RAB30: variants seen among roughly 807,000 people sequenced by gnomAD.
The protein encoded by RAB30 is ras-related protein Rab-30.
In RAB30, 9 loss-of-function variants were observed where a neutral mutation model predicts 25.1. The ratio of observed to expected loss-of-function variants is 0.36; its 90% confidence interval spans 0.22 to 0.63. RAB30 has a LOEUF of 0.63. RAB30 is among the 20% of genes least tolerant of loss of function. The probability of loss-of-function intolerance (pLI) is 0.69; values close to 1 mark genes in which losing one functional copy is unlikely to be tolerated. For synonymous variants in RAB30, 77 were observed against 86.4 expected (o/e 0.89, Z 0.60); for missense variants, 140 against 243.5 (o/e 0.58, Z 2.83).
At position 83,003,783 on chromosome 11, in the gene RAB30, TA is replaced by T. The variant is rs879774896; in HGVS notation, c.-8-6460del. ...ATATTTTATTACAAATTTGTTAATT[TA>T]AAAAAAAAACAGCATCATAGAATTA... On this transcript the variant is annotated intron_variant, in intron 1 of 4. Coordinates refer to ENST00000527633, the MANE Select transcript of RAB30 (RefSeq NM_001286060.2). Among the ~76,000 whole-genome samples the T allele has an allele frequency of 3.1e-3, 466 of 149,312 alleles. 2 individuals carry two copies. The highest frequency in any genetic ancestry group is 3.6e-3 in the African/African-American group (148 of 40,810).
rs544166005 is a variant in RAB30 at position 82,978,267 on chromosome 11, G to C, written c.*3898C>G. The C allele has an allele frequency of 2.6e-5, 4 of 152,180 alleles. No individual in the cohort carries two copies. Among genetic ancestry groups the C allele is most frequent in the Admixed American group, 2.6e-4 (4 of 15,296 alleles). The allele number at this position is 152,180 out of a possible 1,614,324, so 9.4% of individuals were successfully genotyped here. A position where few individuals can be genotyped will look rare whatever the true frequency, so the allele number is the denominator to read the frequency against. ...CAAACTCTAGAAGATCTCTCCCAGA[G>C]GCTAATAGAGCAATGATCCCTAAGT... On this transcript the variant is annotated 3_prime_UTR_variant, in exon 5 of 5. Coordinates refer to ENST00000527633, the MANE Select transcript of RAB30 (RefSeq NM_001286060.2).
chr11:83,033,580 C>T (rs965298817), intron 1 of RAB30, among the ~76,000 whole-genome samples: 3 of 152,124 alleles, frequency 2.0e-5, no homozygotes, highest in African/African-American at 7.2e-5. Flanking sequence ...AAGCTGAAAT[C>T]CAGGAAAGTA....
At chr11:83,051,320 T>G (rs1302966622) in intron 1 of RAB30, among the ~76,000 whole-genome samples, 1 of 152,224 alleles carries the variant, frequency 6.6e-6, no homozygotes. Context: ...ATTGAGCCAC[T>G]GAAATTTGGG....
chr11:83,006,697 G>T (rs973303516), intron 1 of RAB30, among the ~76,000 whole-genome samples: 1 of 152,042 alleles, frequency 6.6e-6, no homozygotes, highest in Non-Finnish European at 1.5e-5. Context: ...AATCTATTTG[G>T]GGTACTCTGT....
intron 1 of RAB30, among the ~76,000 whole-genome samples, chr11:82,998,995 A>T (rs1015136869): frequency 4.6e-5 from 7 of 152,270 alleles, no homozygotes; most frequent in African/African-American, 1.4e-4. Context: ...TGCAAAGATG[A>T]TGTCTGTGTA....
rs117409478 is a variant in RAB30, at chr11:83,027,823, C to T, written c.-8-30499G>A. 2.4e-4 allele frequency among the ~76,000 whole-genome samples: 37 copies of T among 152,262 alleles called. No homozygotes were observed. In the East Asian group the frequency reaches 6.0e-3, roughly 25 times the overall value. ...CTCTGCATTCCCCCCACTCCCCAGC[C>T]GCAAGTAACTACTAATCTATTTTTT... On this transcript the variant is annotated intron_variant, in intron 1 of 4. Transcript: ENST00000527633.
intron 1 of RAB30, among the ~76,000 whole-genome samples, chr11:83,049,207 C>T (rs1858298952): frequency 1.3e-5 from 2 of 152,010 alleles, no homozygotes; most frequent in African/African-American, 4.8e-5. Flanking sequence ...GTCAAGAGAT[C>T]AAGACCATCC....
intron 1 of RAB30, among the ~76,000 whole-genome samples, chr11:83,026,373 G>C (rs1857714164): frequency 6.6e-6 from 1 of 152,218 alleles, no homozygotes. Flanking sequence ...TCATGGGATA[G>C]ATCCATCATG....
At chr11:82,990,779 G>A (rs1856835730) in intron 3 of RAB30, among the ~76,000 whole-genome samples, 1 of 151,752 alleles carries the variant, frequency 6.6e-6, no homozygotes, top group African/African-American at 2.4e-5. Context: ...TTTTTATTCT[G>A]CTAAAACATA....
At chr11:83,001,688 A>C (rs1191868676) in intron 1 of RAB30, among the ~76,000 whole-genome samples, 1 of 152,184 alleles carries the variant, frequency 6.6e-6, no homozygotes, top group African/African-American at 2.4e-5. Context: ...TACATAAAGT[A>C]ACAGCCCAGG....
intron 1 of RAB30, among the ~76,000 whole-genome samples, chr11:83,000,851 A>G (rs938247188): frequency 8.6e-5 from 13 of 150,836 alleles, no homozygotes; most frequent in African/African-American, 3.2e-4. Context: ...CAGGAGATCG[A>G]GACCACGGTG....
At chr11:83,006,032 T>C (rs1211215023) in intron 1 of RAB30, among the ~76,000 whole-genome samples, 1 of 152,116 alleles carries the variant, frequency 6.6e-6, no homozygotes, top group East Asian at 1.9e-4. Context: ...ATTTTAACTA[T>C]ATGTAGTTAT....
intron 3 of RAB30, chr11:82,992,372 GTC>G: frequency 2.2e-6 from 1 of 456,222 alleles, no homozygotes; most frequent in East Asian, 7.0e-5. Context: ...TGGTGTGGAT[GTC>G]TCTGCAGTAT....
At chr11:83,030,750 T>A (rs184390168) in intron 1 of RAB30, among the ~76,000 whole-genome samples, 1 of 151,052 alleles carries the variant, frequency 6.6e-6, no homozygotes, top group East Asian at 1.9e-4. Context: ...TGAGCTGAGA[T>A]CGTGCCATTG....
intron 1 of RAB30, among the ~76,000 whole-genome samples, chr11:83,064,112 T>C (rs1387612704): frequency 7.3e-6 from 1 of 136,530 alleles, no homozygotes; most frequent in East Asian, 2.1e-4. Context: ...ATTAATCTTA[T>C]GTTATTTCTT....
chr11:83,060,430 C>T (rs1858546130), intron 1 of RAB30, among the ~76,000 whole-genome samples: 1 of 152,120 alleles, frequency 6.6e-6, no homozygotes, highest in Admixed American at 6.5e-5. Context: ...TTATTAATTA[C>T]AAAGGGAAAA....
chr11:83,017,961 T>A (rs997684570), intron 1 of RAB30, among the ~76,000 whole-genome samples: 2 of 152,220 alleles, frequency 1.3e-5, no homozygotes, highest in Non-Finnish European at 2.9e-5. Flanking sequence ...TGTACAGTTT[T>A]CCATAGTGGT....
At chr11:82,985,176 G>C (rs1856717162) in intron 4 of RAB30, among the ~76,000 whole-genome samples, 1 of 152,050 alleles carries the variant, frequency 6.6e-6, no homozygotes, top group Non-Finnish European at 1.5e-5. Flanking sequence ...TGTTGCCCAG[G>C]CTGGTCTCAA....
chr11:83,036,667 A>G (rs1391287075), intron 1 of RAB30, among the ~76,000 whole-genome samples: 1 of 152,200 alleles, frequency 6.6e-6, no homozygotes, highest in Admixed American at 6.6e-5. Flanking sequence ...CAGATAGATA[A>G]TTACAGAATG....
Sources: gnomAD v4.1 joint callset for allele counts (sites outside exome capture counted in the v4.1 genomes callset) on GRCh38, gnomAD v4.1.1 for gene constraint, MANE v1.5 for transcripts, NCBI Gene and HGNC (gene_info 2026-07-23, HGNC 2026-07-21) for gene names.